TTBK2: variants seen among roughly 807,000 people sequenced by gnomAD.
TTBK2 encodes tau tubulin kinase 2.
A neutral mutation model predicts 110.8 loss-of-function variants in TTBK2; 28 were observed. That is an observed-to-expected ratio of 0.25 (90% CI 0.19 to 0.35). The LOEUF (loss-of-function observed/expected upper bound fraction) is 0.35, where lower values mean the gene tolerates loss of function less well. Ranked by LOEUF, TTBK2 falls within the 10% of genes least tolerant of loss-of-function variation. TTBK2 has a pLI of 1.00. For missense variants in TTBK2, 1,369 were observed against 1,500.3 expected, an observed-to-expected ratio of 0.91 and a Z score of 1.45; for synonymous variants, 532 against 527.3, an observed-to-expected ratio of 1.01 and a Z score of -0.12.
intron 1 of TTBK2, among the ~76,000 whole-genome samples, chr15:42,900,428 T>C (rs1201577965): frequency 6.6e-6 from 1 of 152,118 alleles, no homozygotes; most frequent in African/African-American, 2.4e-5. Flanking sequence ...CTATTAACAG[T>C]AGTTATAGGG....
intron 1 of TTBK2, among the ~76,000 whole-genome samples, chr15:42,880,518 C>A (rs191576315): frequency 6.6e-6 from 1 of 152,230 alleles, no homozygotes; most frequent in Middle Eastern, 3.4e-3. Context: ...TCCCAAGGAG[C>A]TGGGACTACA....
At chr15:42,899,469 G>A (rs559082154) in intron 1 of TTBK2, among the ~76,000 whole-genome samples, 4 of 149,554 alleles carry the variant, frequency 2.7e-5, no homozygotes, top group Admixed American at 6.8e-5. Flanking sequence ...GGCCGGGCAC[G>A]GTGGCTCACG....
chr15:42,762,793 T>C (rs1320509019), intron 13 of TTBK2, among the ~76,000 whole-genome samples: 1 of 151,788 alleles, frequency 6.6e-6, no homozygotes, highest in Non-Finnish European at 1.5e-5. Flanking sequence ...CCATAAAAAA[T>C]AAAATCCTGT....
chr15:42,794,891 A>G, intron 9 of TTBK2, 90 bp from the exon 10 acceptor site: 1 of 1,542,604 alleles, frequency 6.5e-7, no homozygotes, highest in South Asian at 1.1e-5. Flanking sequence ...TCATAAAATG[A>G]TTTTGTAATG....
At chr15:42,839,502 A>G (rs1342516253) in intron 4 of TTBK2, among the ~76,000 whole-genome samples, 1 of 152,140 alleles carries the variant, frequency 6.6e-6, no homozygotes, top group Non-Finnish European at 1.5e-5. Context: ...GTTCTGTTTT[A>G]AGTCCTCTGA....
At position 42,742,371 on chromosome 15, in the gene TTBK2, C is replaced by A. The variant is rs1340631558; in HGVS notation, c.*3424G>T. 2 of 151,984 alleles carry A rather than the reference C, an allele frequency of 1.3e-5. No homozygotes were observed. Among genetic ancestry groups the A allele is most frequent in the Non-Finnish European group, 2.9e-5 (2 of 67,994 alleles). The allele number at this position is 151,984 out of a possible 1,614,324, so 9.4% of individuals were successfully genotyped here. On this transcript the variant is annotated 3_prime_UTR_variant, in exon 15 of 15. Coordinates refer to ENST00000267890, the MANE Select transcript of TTBK2 (RefSeq NM_173500.4). The stretch of plus-strand genomic sequence containing the variant: ...AATGAGAGTGTCTGTCTGCCTAGGG[C>A]TTAACATTCAAAGATATTTATAATC...
intron 9 of TTBK2, chr15:42,801,893 C>A (rs770386084): frequency 1.4e-6 from 2 of 1,454,780 alleles, no homozygotes; most frequent in Admixed American, 3.3e-5. Flanking sequence ...TTCCTGAAGT[C>A]CTCCACCAGC....
chr15:42,852,019 C>G (rs1304105272), intron 3 of TTBK2, among the ~76,000 whole-genome samples: 1 of 151,548 alleles, frequency 6.6e-6, no homozygotes, highest in Non-Finnish European at 1.5e-5. Flanking sequence ...TCTACCATAT[C>G]GTTAGCACTC....
chr15:42,752,159 A>G lies in TTBK2; in HGVS notation c.3087T>C (p.Asp1029=). 6.2e-7 allele frequency: 1 copy of G among 1,614,236 alleles called. No homozygotes were observed. The highest frequency in any genetic ancestry group is 1.6e-4 in the Middle Eastern group (1 of 6,062). The change falls in exon 14 of 15, where the codon GAT becomes GAC. Residue 1029 remains aspartate (D), a synonymous_variant. Transcript: ENST00000267890. ...VLTPFSRLTV[D]SHLSRSAEDS... ...CTTCAGCTGACCTACTCAGGTGAGA[A>G]TCTACTGTCAGTCTTGAAAAGGGAG...
rs531603327 is a variant in TTBK2, at chr15:42,745,682, T to C, written c.*113A>G. ...TTATAAATAATTGATCATGTTACTT[T>C]CTTTTGCAAGAGAAGATCAACACTG... is the stretch of plus-strand genomic sequence containing the variant. On this transcript the variant is annotated 3_prime_UTR_variant, in exon 15 of 15. Coordinates refer to ENST00000267890, the MANE Select transcript of TTBK2 (RefSeq NM_173500.4). 7.8e-7 allele frequency: 1 copy of C among 1,281,486 alleles called. No individual in the cohort carries two copies. The highest frequency in any genetic ancestry group is 1.5e-5 in the African/African-American group (1 of 68,458). The allele number at this position is 1,281,486 out of a possible 1,614,324, so 79.4% of individuals were successfully genotyped here.
In TTBK2 at chr15:42,892,683, T is replaced by G. The variant is rs150718150; in HGVS notation, c.-67-13999A>C. Among the ~76,000 whole-genome samples, 459 of 116,830 alleles carry G rather than the reference T, an allele frequency of 3.9e-3. 2 individuals are homozygous for G. The highest frequency in any genetic ancestry group is 0.015 in the African/African-American group (435 of 29,016). 76.6% of individuals were successfully genotyped at this position (116,830 alleles called of 152,430 possible). A position where few individuals can be genotyped will look rare whatever the true frequency, so the allele number is the denominator to read the frequency against. On this transcript the variant is annotated intron_variant, in intron 1 of 14. Transcript: ENST00000267890. ...TTGTAAGACTGCACTCTAGCCTGGA[T>G]GACAGAGCAAGACCCTGTCTCAAAA...
intron 13 of TTBK2, among the ~76,000 whole-genome samples, chr15:42,763,193 T>TA (rs1567009144): frequency 0.012 from 40 of 3,344 alleles, no homozygotes; most frequent in South Asian, 0.023. Flanking sequence ...TATATATATA[T>TA]TTTTTTTTTT....
intron 14 of TTBK2, among the ~76,000 whole-genome samples, chr15:42,750,375 C>A (rs1404684424): frequency 1.3e-5 from 2 of 151,850 alleles, no homozygotes; most frequent in East Asian, 1.9e-4. Flanking sequence ...GTCAAGAAAA[C>A]AATGTATGAA....
intron 1 of TTBK2, among the ~76,000 whole-genome samples, chr15:42,917,367 C>T (rs1453320592): frequency 6.6e-6 from 1 of 151,960 alleles, no homozygotes; most frequent in Non-Finnish European, 1.5e-5. Context: ...AAATAACCAA[C>T]TGAAAAGAAG....
At chr15:42,778,290 C>CAAAA (rs55838282) in intron 11 of TTBK2, among the ~76,000 whole-genome samples, 2 of 127,588 alleles carry the variant, frequency 1.6e-5, no homozygotes, top group Non-Finnish European at 3.2e-5. Flanking sequence ...AGCAAGTAAG[C>CAAAA]AAAAAAAAAA....
In TTBK2 at chr15:42,745,269, T is replaced by A. The variant is rs1452548853; in HGVS notation, c.*526A>T. On this transcript the variant is annotated 3_prime_UTR_variant, in exon 15 of 15. Coordinates refer to ENST00000267890, the MANE Select transcript of TTBK2 (RefSeq NM_173500.4). ...CTAGGAATGAGGCAAAGTAAAGGTGTTCATTCTCAATACACGAAATAAACA... is the reference window on the plus strand; with the variant it reads ...CTAGGAATGAGGCAAAGTAAAGGTGATCATTCTCAATACACGAAATAAACA... The A allele has an allele frequency of 5.9e-6, 1 of 169,456 alleles. No homozygotes were observed. The highest frequency in any genetic ancestry group is 2.4e-5 in the African/African-American group (1 of 41,542). 10.5% of individuals were successfully genotyped at this position (169,456 alleles called of 1,614,324 possible).
At chr15:42,845,633 C>CAAAAA (rs894783459) in intron 3 of TTBK2, among the ~76,000 whole-genome samples, 3 of 15,276 alleles carry the variant, frequency 2.0e-4, no homozygotes, top group Non-Finnish European at 4.2e-4. Context: ...GGCTGCATCT[C>CAAAAA]AAAAAAAAAA....
At chr15:42,801,466 C>G (rs1423434075) in intron 9 of TTBK2, 1 of 801,614 alleles carries the variant, frequency 1.2e-6, no homozygotes, top group Non-Finnish European at 2.2e-6. Context: ...CAGCTTGGAG[C>G]CAGCTGATGT....
In TTBK2 at chr15:42,741,573, C is replaced by CA. The variant is rs1687790558; in HGVS notation, c.*4221dup. 1 of 152,198 alleles carries CA rather than the reference C, an allele frequency of 6.6e-6. No homozygotes were observed. The highest frequency in any genetic ancestry group is 2.4e-5 in the African/African-American group (1 of 41,440). The allele number at this position is 152,198 out of a possible 1,614,324, so 9.4% of individuals were successfully genotyped here. A position where few individuals can be genotyped will look rare whatever the true frequency, so the allele number is the denominator to read the frequency against. On this transcript the variant is annotated 3_prime_UTR_variant, in exon 15 of 15. Transcript: ENST00000267890. ...TCCCGACACATCTGTGGTAAGTGCA[C>CA]ATAAACAGAAATGGGCAGATTTTGA...
Sources: gnomAD v4.1 joint callset for allele counts (sites outside exome capture counted in the v4.1 genomes callset) on GRCh38, gnomAD v4.1.1 for gene constraint, MANE v1.5 for transcripts, NCBI Gene and HGNC (gene_info 2026-07-23, HGNC 2026-07-21) for gene names.